SLC39A14: variants seen among roughly 807,000 people sequenced by gnomAD.
SLC39A14 encodes the protein metal cation symporter ZIP14.
In SLC39A14, 19 loss-of-function variants were observed where a neutral mutation model predicts 45.5. The observed-to-expected ratio is 0.42, with a 90% CI of 0.29 to 0.61. SLC39A14 has a LOEUF of 0.61. SLC39A14 is among the 20% of genes least tolerant of loss of function. The pLI is 0.22. For missense variants in SLC39A14, 447 were observed against 616.5 expected (o/e 0.73, Z 2.91); for synonymous variants, 264 against 251.3 (o/e 1.05, Z -0.48).
At chr8:22,402,100 G>C (rs1834903248) in intron 1 of SLC39A14, among the ~76,000 whole-genome samples, 1 of 152,086 alleles carries the variant, frequency 6.6e-6, no homozygotes, top group Non-Finnish European at 1.5e-5. Flanking sequence ...TCCCATTATA[G>C]GCTGGGCGCA....
chr8:22,368,831 C>T lies in SLC39A14; in HGVS notation c.-16+1423C>T, dbSNP rs1185224915. Among the ~76,000 whole-genome samples, 6 of 152,138 alleles carry T rather than the reference C, an allele frequency of 3.9e-5. No homozygotes were observed. In the South Asian group the frequency reaches 6.2e-4, roughly 16 times the overall value. On this transcript the variant is annotated intron_variant, in intron 1 of 8. Transcript: ENST00000381237. ...GATTACAGGCGTGAGCCACCCTGCC[C>T]GGCCTATCCTTACCTCTTAAAACCT... is the stretch of plus-strand genomic sequence containing the variant.
At chr8:22,398,318 G>A (rs548913419) in intron 1 of SLC39A14, 1 of 152,406 alleles carries the variant, frequency 6.6e-6, no homozygotes, top group East Asian at 1.9e-4. Context: ...CCGCGTAAGA[G>A]CCCCACCCTG....
chr8:22,399,197 G>T (rs530158982), intron 1 of SLC39A14, among the ~76,000 whole-genome samples: 1 of 152,292 alleles, frequency 6.6e-6, no homozygotes, highest in Non-Finnish European at 1.5e-5. Flanking sequence ...ACCTGGCGTG[G>T]GGCTTCCTCC....
At position 22,420,499 on chromosome 8, in the gene SLC39A14, G is replaced by A. The variant is rs1836165192; in HGVS notation, c.*801G>A. The A allele has an allele frequency of 3.0e-6, 3 of 985,318 alleles. No homozygotes were observed. In the African/African-American group the frequency reaches 5.2e-5, roughly 17 times the overall value. 61.0% of individuals were successfully genotyped at this position (985,318 alleles called of 1,614,324 possible). ...TGTCTGCAAGAAAACAGTTGGTTTG[G>A]CTGTGATTTTGACCTCCTCTTCCCC... is the stretch of plus-strand genomic sequence containing the variant. On this transcript the variant is annotated 3_prime_UTR_variant, in exon 9 of 9. Transcript: ENST00000381237.
intron 1 of SLC39A14, among the ~76,000 whole-genome samples, chr8:22,398,509 T>TGGTGA (rs142043466): frequency 0.063 from 9,526 of 151,718 alleles, 325 homozygotes; most frequent in African/African-American, 0.094. Context: ...AGAGTGGGAG[T>TGGTGA]GGTGAGTTCC....
chr8:22,406,131 A>T (rs1460735823), intron 2 of SLC39A14, among the ~76,000 whole-genome samples: 1 of 152,196 alleles, frequency 6.6e-6, no homozygotes, highest in Non-Finnish European at 1.5e-5. Flanking sequence ...TGCCCCTTGA[A>T]AGATGAGTGC....
At chr8:22,368,287 G>A (rs569868665) in intron 1 of SLC39A14, among the ~76,000 whole-genome samples, 3 of 152,108 alleles carry the variant, frequency 2.0e-5, no homozygotes, top group African/African-American at 7.2e-5. Flanking sequence ...TTGGGTTTAC[G>A]TCTTTAGTGG....
At chr8:22,415,493 G>A (rs891189426) in intron 5 of SLC39A14, 8 of 372,216 alleles carry the variant, frequency 2.1e-5, no homozygotes, top group Admixed American at 1.8e-4. Context: ...ACGGGGTCTC[G>A]CTTCGTTGCC....
chr8:22,424,279 T>A (rs1252675194), downstream of SLC39A14, among the ~76,000 whole-genome samples: 1 of 152,238 alleles, frequency 6.6e-6, no homozygotes, highest in Non-Finnish European at 1.5e-5. Flanking sequence ...TCAATGCGAC[T>A]TAAAATGCTA....
chr8:22,404,724 TGCTGC>T lies in SLC39A14; in HGVS notation c.15_19del (p.Leu6ProfsTer20). 1 of 1,546,150 alleles carries T rather than the reference TGCTGC, an allele frequency of 6.5e-7. No individual in the cohort carries two copies. The highest frequency in any genetic ancestry group is 8.8e-7 in the Non-Finnish European group (1 of 1,133,108). ...TATTCAGTCACCATGAAGCTGCTGC[TGCTGC>T]ACCCGGCCTTCCAGAGCTGCCTCCT... On this transcript the variant is annotated frameshift_variant, in exon 2 of 9. Coordinates refer to ENST00000381237, the MANE Select transcript of SLC39A14 (RefSeq NM_001128431.4). LOFTEE classifies it high-confidence loss of function.
At chr8:22,394,526 A>T (rs564188364) in intron 1 of SLC39A14, among the ~76,000 whole-genome samples, 2 of 150,112 alleles carry the variant, frequency 1.3e-5, no homozygotes, top group Non-Finnish European at 3.0e-5. Context: ...TCATCGTGTT[A>T]GCCAGGATGG....
intron 1 of SLC39A14, among the ~76,000 whole-genome samples, chr8:22,377,578 C>A (rs552844319): frequency 1.3e-5 from 2 of 152,252 alleles, no homozygotes; most frequent in African/African-American, 2.4e-5. Flanking sequence ...TCTGATCTAA[C>A]CTCAAAAAGT....
downstream of SLC39A14, among the ~76,000 whole-genome samples, chr8:22,424,302 T>C (rs1005090979): frequency 1.3e-5 from 2 of 152,202 alleles, no homozygotes; most frequent in East Asian, 3.8e-4. Context: ...GCTATTCCCA[T>C]TCCAATTTAG....
chr8:22,430,320 A>C (rs893561522), intron 8 of SLC39A14, among the ~76,000 whole-genome samples: 1 of 152,192 alleles, frequency 6.6e-6, no homozygotes, highest in Non-Finnish European at 1.5e-5. Context: ...CTGCTGCCTC[A>C]GCCTCCCAGA....
intron 2 of SLC39A14, 27 bp from the exon 3 acceptor site, chr8:22,408,283 C>G: frequency 6.2e-7 from 1 of 1,602,390 alleles, no homozygotes; most frequent in Non-Finnish European, 8.5e-7. Context: ...GGGGTCTAAG[C>G]GGCTTCCTGC....
At chr8:22,411,935 A>G (rs1368969030) in intron 3 of SLC39A14, 102 bp from the exon 4 acceptor site, 18 of 1,133,408 alleles carry the variant, frequency 1.6e-5, no homozygotes, top group Non-Finnish European at 2.2e-5. Flanking sequence ...CGACCTCCCT[A>G]TCTGCTCCAC....
At chr8:22,385,997 T>C (rs1833771532) in intron 1 of SLC39A14, among the ~76,000 whole-genome samples, 1 of 152,210 alleles carries the variant, frequency 6.6e-6, no homozygotes, top group Admixed American at 6.5e-5. Context: ...TGGAGTGCAG[T>C]GGCTCAATCT....
downstream of SLC39A14, among the ~76,000 whole-genome samples, chr8:22,424,827 G>GGCCA (rs1188587339): frequency 2.0e-5 from 3 of 152,016 alleles, no homozygotes; most frequent in African/African-American, 7.2e-5. Context: ...AGGAGTTTGA[G>GGCCA]GCCAGCCTGG....
chr8:22,374,250 C>T (rs1242802545), intron 1 of SLC39A14, among the ~76,000 whole-genome samples: 1 of 152,126 alleles, frequency 6.6e-6, no homozygotes, highest in Non-Finnish European at 1.5e-5. Context: ...GACTGGAGAC[C>T]TGGGGTCCTT....
Sources: gnomAD v4.1 joint callset for allele counts (sites outside exome capture counted in the v4.1 genomes callset) on GRCh38, gnomAD v4.1.1 for gene constraint, MANE v1.5 for transcripts, NCBI Gene and HGNC (gene_info 2026-07-23, HGNC 2026-07-21) for gene names.